Variants in PSMD14 observed in about 807,000 individuals in gnomAD.
The protein encoded by PSMD14 is ubiquitin C-terminal hydrolase PSMD14.
In PSMD14, 7 loss-of-function variants were observed where a neutral mutation model predicts 41.2. That is an observed-to-expected ratio of 0.17 (90% CI 0.10 to 0.32). The LOEUF is 0.32. Ranked by LOEUF, PSMD14 falls within the 10% of genes least tolerant of loss-of-function variation. The probability of loss-of-function intolerance (pLI) is 1.00; values close to 1 mark genes in which losing one functional copy is unlikely to be tolerated. For missense variants in PSMD14, 139 were observed against 375.6 expected, an observed-to-expected ratio of 0.37 and a Z score of 5.21; for synonymous variants, 114 against 122.3, an observed-to-expected ratio of 0.93 and a Z score of 0.45.
intron 11 of PSMD14, among the ~76,000 whole-genome samples, chr2:161,410,446 A>T (rs1684009005): frequency 6.6e-6 from 1 of 152,080 alleles, no homozygotes; most frequent in African/African-American, 2.4e-5. Flanking sequence ...CATTTAAATT[A>T]TAATTTTTCT....
rs896560766 is a variant in PSMD14, at chr2:161,328,126, G to A, written c.48+9253G>A. Among the ~76,000 whole-genome samples the A allele has an allele frequency of 2.0e-5, 3 of 152,106 alleles. 1 individual carries two copies. Among genetic ancestry groups the A allele is most frequent in the Non-Finnish European group, 4.4e-5 (3 of 67,998 alleles). ...GAGCAATTTGACAATATCTAGTAAAGTTGAAAATGACCAAAATTCTGTTAC... is the reference window on the plus strand; with the variant it reads ...GAGCAATTTGACAATATCTAGTAAAATTGAAAATGACCAAAATTCTGTTAC... On this transcript the variant is annotated intron_variant, in intron 3 of 11. Transcript: ENST00000409682.
intron 7 of PSMD14, among the ~76,000 whole-genome samples, chr2:161,374,802 G>C (rs931486199): frequency 6.6e-6 from 1 of 151,846 alleles, no homozygotes; most frequent in East Asian, 1.9e-4. Flanking sequence ...CAAAAAGAAT[G>C]GTCACTTTGG....
intron 7 of PSMD14, among the ~76,000 whole-genome samples, chr2:161,378,585 C>T (rs184693877): frequency 1.1e-4 from 16 of 151,930 alleles, no homozygotes; most frequent in East Asian, 7.8e-4. Context: ...TATTCAGTGA[C>T]GAATGAGACA....
intron 3 of PSMD14, among the ~76,000 whole-genome samples, chr2:161,340,435 G>C (rs1288474663): frequency 6.6e-5 from 10 of 152,214 alleles, no homozygotes; most frequent in Non-Finnish European, 1.0e-4. Context: ...AAAGAGGGGG[G>C]ACTGGAGTGA....
rs1021617664 is a variant in PSMD14 at position 161,370,100 on chromosome 2, A to C, written c.241-7A>C. On this transcript the variant is annotated splice_polypyrimidine_tract_variant and splice_region_variant and intron_variant, in intron 5 of 11. Transcript: ENST00000409682. ...AAATTAATAATTTTTCTTTCTTTCTAAATCAGGGTGTCAGTGTGGAGGCAG... is the reference window on the plus strand; with the variant it reads ...AAATTAATAATTTTTCTTTCTTTCTCAATCAGGGTGTCAGTGTGGAGGCAG... The C allele has an allele frequency of 6.4e-7, 1 of 1,555,552 alleles. No individual in the cohort carries two copies. Among genetic ancestry groups the C allele is most frequent in the Non-Finnish European group, 8.7e-7 (1 of 1,150,414 alleles).
intron 7 of PSMD14, chr2:161,383,832 AT>A (rs1683600124): frequency 6.6e-6 from 1 of 151,620 alleles, no homozygotes; most frequent in Non-Finnish European, 1.5e-5. Context: ...CTTTGCCAAC[AT>A]TTTAACTTTA....
chr2:161,350,917 G>A (rs937196535), intron 3 of PSMD14, among the ~76,000 whole-genome samples: 2 of 152,156 alleles, frequency 1.3e-5, no homozygotes, highest in African/African-American at 2.4e-5. Flanking sequence ...ATACTGTGGA[G>A]TGTGCTTCAA....
chr2:161,381,673 C>G (rs1169421580), intron 7 of PSMD14: 1 of 151,746 alleles, frequency 6.6e-6, no homozygotes, highest in Non-Finnish European at 1.5e-5. Flanking sequence ...CTGTATTCTA[C>G]TCATGAAAGA....
intron 9 of PSMD14, among the ~76,000 whole-genome samples, chr2:161,393,123 C>T (rs1358329338): frequency 6.6e-6 from 1 of 152,226 alleles, no homozygotes; most frequent in Middle Eastern, 3.4e-3. Flanking sequence ...TTTACTTAAC[C>T]CCCAGCCTTA....
intron 3 of PSMD14, among the ~76,000 whole-genome samples, chr2:161,358,296 T>G (rs896958103): frequency 8.5e-5 from 13 of 152,212 alleles, no homozygotes; most frequent in Admixed American, 8.5e-4. Flanking sequence ...GATCACTTAG[T>G]CCATTTTAGT....
chr2:161,370,741 TCTA>T (rs748479733), intron 6 of PSMD14, among the ~76,000 whole-genome samples: 1 of 152,142 alleles, frequency 6.6e-6, no homozygotes, highest in South Asian at 2.1e-4. Context: ...AGTTCCTAGT[TCTA>T]CTGCTGGTTT....
At chr2:161,362,254 A>G (rs1433059196) in intron 3 of PSMD14, among the ~76,000 whole-genome samples, 1 of 42,844 alleles carries the variant, frequency 2.3e-5, no homozygotes, top group Admixed American at 2.8e-4. Flanking sequence ...AAACTAATTT[A>G]TGTTTCCAGA....
At chr2:161,316,086 C>A (rs987218400) in intron 1 of PSMD14, among the ~76,000 whole-genome samples, 1 of 152,112 alleles carries the variant, frequency 6.6e-6, no homozygotes, top group Non-Finnish European at 1.5e-5. Context: ...TCAGGTGATC[C>A]GCCCGCGTTG....
At chr2:161,390,155 C>G (rs1339267849) in intron 8 of PSMD14, among the ~76,000 whole-genome samples, 1 of 151,860 alleles carries the variant, frequency 6.6e-6, no homozygotes, top group Non-Finnish European at 1.5e-5. Context: ...TTCTTTACCC[C>G]TTCTTCCTCT....
chr2:161,351,881 C>T (rs1221721424), intron 3 of PSMD14, among the ~76,000 whole-genome samples: 2 of 152,136 alleles, frequency 1.3e-5, no homozygotes, highest in African/African-American at 4.8e-5. Context: ...CATGTTCATA[C>T]CTAACCTCAA....
At chr2:161,349,641 G>C (rs1445644248) in intron 3 of PSMD14, among the ~76,000 whole-genome samples, 1 of 152,158 alleles carries the variant, frequency 6.6e-6, no homozygotes, top group African/African-American at 2.4e-5. Context: ...ACAAGTGAAT[G>C]CCAAACCCTT....
chr2:161,362,561 T>C (rs764152082), intron 3 of PSMD14, among the ~76,000 whole-genome samples: 21 of 152,228 alleles, frequency 1.4e-4, no homozygotes, highest in Non-Finnish European at 2.9e-4. Context: ...AATCCTATTT[T>C]CTGAGCCCTT....
intron 3 of PSMD14, among the ~76,000 whole-genome samples, chr2:161,336,228 A>G (rs1265556148): frequency 6.6e-6 from 1 of 152,172 alleles, no homozygotes; most frequent in Non-Finnish European, 1.5e-5. Context: ...ATTACTTTTC[A>G]TGTGCTAATT....
At chr2:161,402,558 C>T (rs1413217009) in intron 10 of PSMD14, among the ~76,000 whole-genome samples, 4 of 151,848 alleles carry the variant, frequency 2.6e-5, no homozygotes, top group African/African-American at 4.8e-5. Flanking sequence ...GGAGGATCAC[C>T]GAGGCCCAGG....
Sources: allele counts gnomAD v4.1 joint callset (sites outside exome capture counted in the v4.1 genomes callset), GRCh38; gene constraint gnomAD v4.1.1; transcripts MANE v1.5; gene names NCBI Gene and HGNC (gene_info 2026-07-23, HGNC 2026-07-21).